The following ANKRD42 variants were observed in gnomAD, a reference collection of about 807,000 sequenced individuals.
ANKRD42 encodes ankyrin repeat domain-containing protein 42.
ANKRD42 carries 43 observed loss-of-function variants against 51.5 expected under a neutral mutation model. The ratio of observed to expected loss-of-function variants is 0.83; its 90% confidence interval spans 0.65 to 1.08. ANKRD42 has a LOEUF of 1.08. ANKRD42 is among the 50% of genes least tolerant of loss of function. The pLI, the probability that ANKRD42 is intolerant of heterozygous loss-of-function variation, is 0.00. For missense variants in ANKRD42, 608 were observed against 629.3 expected (o/e 0.97, Z 0.36); for synonymous variants, 203 against 213.0 (o/e 0.95, Z 0.41).
chr11:83,231,752 G>GT (rs922916783), intron 7 of ANKRD42, among the ~76,000 whole-genome samples: 2 of 152,224 alleles, frequency 1.3e-5, no homozygotes, highest in Admixed American at 1.3e-4. Context: ...TAGGGGTCTA[G>GT]TTTTTTTCTT....
At position 83,214,588 on chromosome 11, in the gene ANKRD42, T is replaced by A. The variant is rs182999560; in HGVS notation, c.586+3158T>A. ...TGTTCAAATCGCTCTCATAAAATTA[T>A]TTTTTATTGATAAATGTACATATTT... On this transcript the variant is annotated intron_variant, in intron 5 of 10. Transcript: ENST00000533342. 3,318 of 974,210 alleles carry A rather than the reference T, an allele frequency of 3.4e-3. 10 individuals are homozygous for A. The highest frequency in any genetic ancestry group is 0.012 in the South Asian group (246 of 21,086). The allele number at this position is 974,210 out of a possible 1,614,324, so 60.3% of individuals were successfully genotyped here.
Position 83,241,035 on chromosome 11 carries a change from A to G in ANKRD42, c.1195+101A>G, listed in dbSNP as rs1034646139. 17 of 1,307,402 alleles carry G rather than the reference A, an allele frequency of 1.3e-5. No homozygotes were observed. In the East Asian group the frequency reaches 3.3e-4, roughly 25 times the overall value. 81.0% of individuals were successfully genotyped at this position (1,307,402 alleles called of 1,614,324 possible). Reference sequence around the variant, plus strand: ...ATTCTAAAGACAAATACTGCCTACAAAGTAAAATAATTTGATATTTTTGGA... The same window carrying G: ...ATTCTAAAGACAAATACTGCCTACAGAGTAAAATAATTTGATATTTTTGGA... On this transcript the variant is annotated intron_variant, in intron 9 of 10. Transcript: ENST00000533342.
At chr11:83,227,969 C>T in intron 7 of ANKRD42, 97 bp downstream of exon 7, 1 of 1,409,562 alleles carries the variant, frequency 7.1e-7, no homozygotes, top group South Asian at 1.5e-5. Flanking sequence ...AAACATGAAA[C>T]TTTTTTCTGA....
chr11:83,197,721 C>CA (rs1421105331), intron 1 of ANKRD42, among the ~76,000 whole-genome samples: 1 of 152,168 alleles, frequency 6.6e-6, no homozygotes, highest in East Asian at 1.9e-4. Context: ...CTCTGGTTCA[C>CA]AATGCTTATT....
downstream of ANKRD42, among the ~76,000 whole-genome samples, chr11:83,253,807 T>C (rs767442937): frequency 5.3e-5 from 8 of 152,332 alleles, no homozygotes; most frequent in South Asian, 2.1e-4. Context: ...TGAACACTTA[T>C]GGAAGGCCTG....
chr11:83,249,788 C>T (rs1363870804), downstream of ANKRD42, among the ~76,000 whole-genome samples: 2 of 152,098 alleles, frequency 1.3e-5, no homozygotes, highest in Non-Finnish European at 2.9e-5. Context: ...ATGGCAGCTG[C>T]AACTCTGGCA....
At chr11:83,211,704 G>A (rs1010155889) in intron 5 of ANKRD42, among the ~76,000 whole-genome samples, 1 of 151,962 alleles carries the variant, frequency 6.6e-6, no homozygotes, top group African/African-American at 2.4e-5. Context: ...TAACTTTTTG[G>A]GATGCTGAGG....
chr11:83,193,758 T>C lies in ANKRD42; in HGVS notation c.-913T>C. 1 of 436,672 alleles carries C rather than the reference T, an allele frequency of 2.3e-6. No individual in the cohort carries two copies. The highest frequency in any genetic ancestry group is 4.6e-6 in the Non-Finnish European group (1 of 218,336). 27.0% of individuals were successfully genotyped at this position (436,672 alleles called of 1,614,324 possible). A position where few individuals can be genotyped will look rare whatever the true frequency, so the allele number is the denominator to read the frequency against. ...CCTGCTGCCTCTCCAGCCAAGTGGC[T>C]GGAGTCGGGAGGCTGGAAAGAGACT... On this transcript the variant is annotated 5_prime_UTR_variant, in exon 1 of 11. Transcript: ENST00000533342.
intron 1 of ANKRD42, among the ~76,000 whole-genome samples, chr11:83,196,822 A>C (rs1325912360): frequency 6.6e-6 from 1 of 152,188 alleles, no homozygotes; most frequent in African/African-American, 2.4e-5. Context: ...AATTAGATGG[A>C]GCCAAATTAT....
chr11:83,261,848 A>C, downstream of ANKRD42: 1 of 1,221,630 alleles, frequency 8.2e-7, no homozygotes, highest in South Asian at 1.3e-5. Flanking sequence ...CAATGTTCAA[A>C]GTAAATCTCT....
rs1299906002 is a variant in ANKRD42 at position 83,194,137 on chromosome 11, A to C, written c.-534A>C. Reference sequence around the variant, plus strand: ...CTCTTGGGAGAGAGTTAGGGGAGACAGCACCTTCTGCAGCAGCGACGTGAA... The same window carrying C: ...CTCTTGGGAGAGAGTTAGGGGAGACCGCACCTTCTGCAGCAGCGACGTGAA... On this transcript the variant is annotated 5_prime_UTR_variant, in exon 1 of 11. Transcript: ENST00000533342. 2.2e-6 allele frequency: 1 copy of C among 456,624 alleles called. No homozygotes were observed. Among genetic ancestry groups the C allele is most frequent in the Non-Finnish European group, 4.4e-6 (1 of 226,952 alleles). 28.3% of individuals were successfully genotyped at this position (456,624 alleles called of 1,614,324 possible).
intron 5 of ANKRD42, among the ~76,000 whole-genome samples, chr11:83,215,668 A>T (rs548972830): frequency 1.3e-5 from 2 of 152,320 alleles, no homozygotes; most frequent in African/African-American, 4.8e-5. Flanking sequence ...GATTATTTTA[A>T]AGAGATGACG....
At chr11:83,237,888 T>A (rs991570766) in intron 8 of ANKRD42, among the ~76,000 whole-genome samples, 4 of 152,234 alleles carry the variant, frequency 2.6e-5, no homozygotes, top group Non-Finnish European at 5.9e-5. Flanking sequence ...TCCCTTTGAC[T>A]GCTCCCCAGT....
chr11:83,235,614 G>A (rs1863200576), intron 7 of ANKRD42, among the ~76,000 whole-genome samples: 1 of 152,214 alleles, frequency 6.6e-6, no homozygotes, highest in Non-Finnish European at 1.5e-5. Flanking sequence ...GAAGATTATA[G>A]CCCTGTCCTC....
chr11:83,213,224 T>A, intron 5 of ANKRD42: 1 of 1,599,090 alleles, frequency 6.3e-7, no homozygotes, highest in Non-Finnish European at 8.5e-7. Context: ...GCCTACTGAC[T>A]TCTGGAAGTT....
At chr11:83,243,335 C>T (rs760663699) in intron 9 of ANKRD42, among the ~76,000 whole-genome samples, 3 of 151,978 alleles carry the variant, frequency 2.0e-5, no homozygotes, top group African/African-American at 7.3e-5. Context: ...TGTAGTGTCT[C>T]GACATCACAG....
At chr11:83,238,015 G>C (rs669290) in intron 8 of ANKRD42, among the ~76,000 whole-genome samples, 1 of 152,144 alleles carries the variant, frequency 6.6e-6, no homozygotes, top group Non-Finnish European at 1.5e-5. Context: ...TTCACTCAAC[G>C]TAATTATTTT....
rs767438685 is a variant in ANKRD42 at position 83,206,141 on chromosome 11, C to G, written c.306C>G (p.Ile102Met). 4 of 1,613,852 alleles carry G rather than the reference C, an allele frequency of 2.5e-6. No homozygotes were observed. Among genetic ancestry groups the G allele is most frequent in the Admixed American group, 3.3e-5 (2 of 60,022 alleles). The change falls in exon 3 of 11, where the codon ATC (isoleucine) becomes ATG (methionine). Residue 102 changes from isoleucine to methionine, a missense_variant. By Grantham distance (10) the Ile-to-Met change is conservative. Coordinates refer to ENST00000533342, the MANE Select transcript of ANKRD42 (RefSeq NM_001300975.2). ...RGWTASHIAA[I>M]RGQDACVQAL... ...GGACAGCATCTCACATAGCTGCAAT[C>G]AGGGGTCAGGATGCTTGTGTACAGG...
At chr11:83,231,682 T>A (rs1204808668) in intron 7 of ANKRD42, among the ~76,000 whole-genome samples, 1 of 152,250 alleles carries the variant, frequency 6.6e-6, no homozygotes, top group Non-Finnish European at 1.5e-5. Flanking sequence ...TTTCATAGTT[T>A]GAGGTCCTAG....
Sources: allele counts gnomAD v4.1 joint callset (sites outside exome capture counted in the v4.1 genomes callset), GRCh38; gene constraint gnomAD v4.1.1; transcripts MANE v1.5; gene names NCBI Gene and HGNC (gene_info 2026-07-23, HGNC 2026-07-21).